Variants in TRIM31 observed in about 807,000 individuals in gnomAD.
TRIM31 encodes the protein E3 ubiquitin-protein ligase TRIM31.
A neutral mutation model predicts 40.6 loss-of-function variants in TRIM31; 31 were observed. The ratio of observed to expected loss-of-function variants is 0.76; its 90% CI spans 0.57 to 1.03. The LOEUF is 1.03. TRIM31 is among the 50% of genes least tolerant of loss of function. The probability of loss-of-function intolerance (pLI) is 0.00; values close to 1 mark genes in which losing one functional copy is unlikely to be tolerated. For missense variants in TRIM31, 455 were observed against 497.5 expected, an observed-to-expected ratio of 0.91 and a Z score of 0.81; for synonymous variants, 164 against 193.9, an observed-to-expected ratio of 0.85 and a Z score of 1.28.
In TRIM31 at chr6:30,103,731, C is replaced by T; in HGVS notation, c.1083G>A (p.Leu361=). Residue 361 remains leucine, a synonymous_variant, in exon 9 of 9, where the codon CTG becomes CTA. Coordinates refer to ENST00000376734, the MANE Select transcript of TRIM31 (RefSeq NM_007028.5). The part of the protein sequence containing the change: ...NHHSSAPSHS[L]FRASSAGKVT... The stretch of plus-strand genomic sequence containing the variant: ...CTTTCCCAGCAGACGAGGCCCGAAA[C>T]AGGGAGTGGGATGGGGCTGAAGAGT... 6.2e-7 allele frequency: 1 copy of T among 1,613,030 alleles called. No individual in the cohort carries two copies. The highest frequency in any genetic ancestry group is 8.5e-7 in the Non-Finnish European group (1 of 1,180,018).
chr6:30,112,814 A>T lies in TRIM31; in HGVS notation c.-9T>A, dbSNP rs1329081695. The stretch of plus-strand genomic sequence containing the variant: ...AACTGCCCACTGGCCATGACAGAAC[A>T]ACAGGGCTGTTTCAAGACTGTAGGA... On this transcript the variant is annotated 5_prime_UTR_variant, in exon 2 of 9. Coordinates refer to ENST00000376734, the MANE Select transcript of TRIM31 (RefSeq NM_007028.5). 1.3e-6 allele frequency: 2 copies of T among 1,593,444 alleles called. No individual in the cohort carries two copies. The highest frequency in any genetic ancestry group is 1.7e-6 in the Non-Finnish European group (2 of 1,170,688).
At chr6:30,111,795 A>G in intron 2 of TRIM31, 52 bp from the exon 3 acceptor site, 1 of 1,562,444 alleles carries the variant, frequency 6.4e-7, no homozygotes, top group Non-Finnish European at 8.8e-7. Context: ...TTCTGGCCTC[A>G]TAAAATCCTC....
At position 30,105,190 on chromosome 6, in the gene TRIM31, C is replaced by A; in HGVS notation, c.936G>T (p.Met312Ile). ...KKDENRFFKS[M>I]NKNDMKSWGL... ...TACAGCTCTTCATGTCATTTTTATT[C>A]ATGCTTTTGAAGAATCTGTTTTCAT... The change falls in exon 7 of 9, where the codon ATG (methionine) becomes ATT (isoleucine). Residue 312 changes from methionine (M) to isoleucine (I), a missense_variant. Transcript: ENST00000376734. 10 of 1,612,676 alleles carry A rather than the reference C, an allele frequency of 6.2e-6. No homozygotes were observed. The highest frequency in any genetic ancestry group is 8.5e-6 in the Non-Finnish European group (10 of 1,179,928).
intron 8 of TRIM31, 92 bp downstream of exon 8, chr6:30,104,010 C>A: frequency 7.1e-7 from 1 of 1,416,496 alleles, no homozygotes; most frequent in South Asian, 1.2e-5. Flanking sequence ...TTCATTTATT[C>A]ATTTATTCCA....
intron 6 of TRIM31, chr6:30,107,804 T>C: frequency 2.4e-6 from 1 of 415,926 alleles, no homozygotes; most frequent in Non-Finnish European, 4.4e-6. Flanking sequence ...ACATGGGGAA[T>C]AGGTCCAGGC....
chr6:30,111,329 C>T (rs1318884169), intron 3 of TRIM31: 5 of 346,306 alleles, frequency 1.4e-5, no homozygotes, highest in South Asian at 4.6e-5. Flanking sequence ...CCACCGCGCC[C>T]GGCCAATGTC....
chr6:30,108,959 G>A, intron 5 of TRIM31, 67 bp downstream of exon 5: 3 of 1,517,856 alleles, frequency 2.0e-6, no homozygotes, highest in Non-Finnish European at 2.7e-6. Flanking sequence ...ACTGCATTTG[G>A]ATATACGCTG....
chr6:30,110,729 C>G (rs765643918), intron 3 of TRIM31, 51 bp from the exon 4 acceptor site: 1 of 1,536,122 alleles, frequency 6.5e-7, no homozygotes, highest in Non-Finnish European at 9.0e-7. Context: ...GAAGGTCCTT[C>G]TAGCCCACTT....
chr6:30,103,587 A>C lies in TRIM31; in HGVS notation c.1227T>G (p.Ser409Arg), dbSNP rs753030883. The change falls in exon 9 of 9, where the codon AGT (serine) becomes AGG (arginine). Residue 409 changes from serine (S) to arginine (R), a missense_variant. Coordinates refer to ENST00000376734, the MANE Select transcript of TRIM31 (RefSeq NM_007028.5). ...ALSEELHAALSEWLTAIRAWF... is the reference protein window; with the variant it reads ...ALSEELHAALREWLTAIRAWF... ...AAGCCCGGATCGCTGTCAGCCACTC[A>C]CTCAGTGCCGCATGGAGCTCCTCGG... 6 of 1,612,926 alleles carry C rather than the reference A, an allele frequency of 3.7e-6. No homozygotes were observed. Among genetic ancestry groups the C allele is most frequent in the South Asian group, 3.3e-5 (3 of 91,076 alleles).
chr6:30,105,011 TTAAAA>T (rs1411082641), intron 7 of TRIM31, among the ~76,000 whole-genome samples, 152 bp downstream of exon 7: 1 of 152,228 alleles, frequency 6.6e-6, no homozygotes, highest in Non-Finnish European at 1.5e-5. Flanking sequence ...TTACCTGAGT[TTAAAA>T]TAATAAAACA....
Position 30,106,473 on chromosome 6 carries a change from AC to A in TRIM31, c.884-1232del, listed in dbSNP as rs577227658. On this transcript the variant is annotated intron_variant, in intron 6 of 8. Coordinates refer to ENST00000376734, the MANE Select transcript of TRIM31 (RefSeq NM_007028.5). ...GGGAGAACCAACCCTCATAATAAGAACTGTGGAGATTGGACCTGTGGTATAA... is the reference window on the plus strand; with the variant it reads ...GGGAGAACCAACCCTCATAATAAGAATGTGGAGATTGGACCTGTGGTATAA... Among the ~76,000 whole-genome samples the A allele has an allele frequency of 1.8e-4, 27 of 152,094 alleles. No homozygotes were observed. The East Asian group carries it at 2.5e-3, about 14-fold the overall frequency.
rs528946636 is a variant in TRIM31 at position 30,107,410 on chromosome 6, TTCAGAA to T, written c.883+637_883+642del. Reference sequence around the variant, plus strand: ...TGGGTGTGGAACTCCAGGTGATAATTTCAGAAGATTCCATCTAGCTGTCTTTATGCC... The same window carrying T: ...TGGGTGTGGAACTCCAGGTGATAATTGATTCCATCTAGCTGTCTTTATGCC... On this transcript the variant is annotated intron_variant, in intron 6 of 8. Coordinates refer to ENST00000376734, the MANE Select transcript of TRIM31 (RefSeq NM_007028.5). Among the ~76,000 whole-genome samples, 140 of 152,164 alleles carry T rather than the reference TTCAGAA, an allele frequency of 9.2e-4. 1 individual carries two copies. The highest frequency in any genetic ancestry group is 2.2e-3 in the African/African-American group (92 of 41,494).
intron 4 of TRIM31, 108 bp downstream of exon 4, chr6:30,110,340 G>A (rs1769165116): frequency 2.9e-6 from 3 of 1,020,460 alleles, no homozygotes; most frequent in Admixed American, 3.8e-5. Context: ...CTGGGCTAGA[G>A]GTAGGATGGT....
Position 30,108,079 on chromosome 6 carries a change from A to T in TRIM31, c.857T>A (p.Ile286Asn). The T allele has an allele frequency of 6.2e-7, 1 of 1,607,530 alleles. No homozygotes were observed. Among genetic ancestry groups the T allele is most frequent in the East Asian group, 2.2e-5 (1 of 44,828 alleles). ...TTTGAATTTTTTTAGGCTCCCTGTG[A>T]TGGAGTCATGTCTTGATTTTGCTTC... is the stretch of plus-strand genomic sequence containing the variant. ...LSEAKSRHDSITGSLKKFKDQ... is the reference protein window; with the variant it reads ...LSEAKSRHDSNTGSLKKFKDQ... Residue 286 changes from isoleucine to asparagine, a missense_variant, in exon 6 of 9, where the codon ATC becomes AAC. Transcript: ENST00000376734.
rs1022176918 is a variant in TRIM31, at chr6:30,111,316, G to A, written c.513+332C>T. 61 of 310,850 alleles carry A rather than the reference G, an allele frequency of 2.0e-4. No homozygotes were observed. In the Admixed American group the frequency reaches 2.7e-3, roughly 14 times the overall value. The allele number at this position is 310,850 out of a possible 1,614,324, so 19.3% of individuals were successfully genotyped here. On this transcript the variant is annotated intron_variant, in intron 3 of 8. Transcript: ENST00000376734. ...CCCAGAGTGCTGTGATTACTGGCGTGAGCCACCGCGCCCGGCCAATGTCTT... is the reference window on the plus strand; with the variant it reads ...CCCAGAGTGCTGTGATTACTGGCGTAAGCCACCGCGCCCGGCCAATGTCTT...
chr6:30,110,431 G>T lies in TRIM31; in HGVS notation c.744+17C>A. On this transcript the variant is annotated intron_variant, in intron 4 of 8. Transcript: ENST00000376734. ...TGGGCTGCTACCTCTCTGCAATTCT[G>T]CCCCCAAGGGACTCACCTCCAGCAG... 1.2e-6 allele frequency: 2 copies of T among 1,612,154 alleles called. No homozygotes were observed. The highest frequency in any genetic ancestry group is 1.7e-6 in the Non-Finnish European group (2 of 1,178,572).
chr6:30,112,898 G>C lies in TRIM31; in HGVS notation c.-83-10C>G. 2.3e-6 allele frequency: 3 copies of C among 1,298,090 alleles called. No homozygotes were observed. Among genetic ancestry groups the C allele is most frequent in the Non-Finnish European group, 2.1e-6 (2 of 964,828 alleles). The allele number at this position is 1,298,090 out of a possible 1,614,324, so 80.4% of individuals were successfully genotyped here. A position where few individuals can be genotyped will look rare whatever the true frequency, so the allele number is the denominator to read the frequency against. On this transcript the variant is annotated splice_polypyrimidine_tract_variant and intron_variant, in intron 1 of 8. Transcript: ENST00000376734. ...ACTGTGGATACTGTTTCTAGGAAGGGAGAAGGGAGTCAGAGAAAGTGGAGG... is the reference window on the plus strand; with the variant it reads ...ACTGTGGATACTGTTTCTAGGAAGGCAGAAGGGAGTCAGAGAAAGTGGAGG...
intron 8 of TRIM31, 27 bp from the exon 9 acceptor site, chr6:30,103,816 G>T: frequency 6.2e-7 from 1 of 1,611,584 alleles, no homozygotes; most frequent in Non-Finnish European, 8.5e-7. Context: ...AAGGAGAAAA[G>T]AGGTCAGCGG....
intron 5 of TRIM31, 88 bp from the exon 6 acceptor site, chr6:30,108,256 G>C: frequency 1.1e-6 from 1 of 930,436 alleles, no homozygotes; most frequent in Non-Finnish European, 1.7e-6. Context: ...GAGAAATGAG[G>C]GGATGAAGAC....
Sources: allele counts gnomAD v4.1 joint callset (sites outside exome capture counted in the v4.1 genomes callset), GRCh38; gene constraint gnomAD v4.1.1; transcripts MANE v1.5; gene names NCBI Gene and HGNC (gene_info 2026-07-23, HGNC 2026-07-21).